ZMIZ1: variants seen among roughly 807,000 people sequenced by gnomAD.
ZMIZ1 encodes the protein zinc finger MIZ domain-containing protein 1.
ZMIZ1 carries 17 observed loss-of-function variants against 113.9 expected under a neutral mutation model. The observed-to-expected ratio is 0.15, with a 90% CI of 0.10 to 0.22. The LOEUF (loss-of-function observed/expected upper bound fraction) is 0.22. ZMIZ1 is among the 10% of genes least tolerant of loss of function. The pLI is 1.00. For synonymous variants in ZMIZ1, 607 were observed against 603.1 expected (o/e 1.01, Z -0.09); for missense variants, 1,059 against 1,477.8 (o/e 0.72, Z 4.65).
chr10:79,076,399 C>T (rs1842476735), intron 1 of ZMIZ1, among the ~76,000 whole-genome samples: 2 of 152,032 alleles, frequency 1.3e-5, no homozygotes, highest in African/African-American at 2.4e-5. Flanking sequence ...AGGGTGAGGA[C>T]GAAGGATGGG....
At chr10:79,240,017 C>A (rs1164358043) in intron 7 of ZMIZ1, among the ~76,000 whole-genome samples, 1 of 152,198 alleles carries the variant, frequency 6.6e-6, no homozygotes, top group Admixed American at 6.5e-5. Context: ...GCCTTCCCGG[C>A]TGCAGCGCCG....
At chr10:79,179,420 C>T (rs1847015264) in intron 4 of ZMIZ1, among the ~76,000 whole-genome samples, 2 of 152,228 alleles carry the variant, frequency 1.3e-5, no homozygotes, top group Admixed American at 1.3e-4. Context: ...TATGAGGTCA[C>T]ACAGCCAGAA....
At chr10:79,181,974 T>TGGA (rs946005528) in intron 4 of ZMIZ1, among the ~76,000 whole-genome samples, 1 of 151,960 alleles carries the variant, frequency 6.6e-6, no homozygotes, top group Non-Finnish European at 1.5e-5. Flanking sequence ...GAGTCTGAAC[T>TGGA]GGAGGAGGAG....
chr10:79,221,325 C>T (rs763782603), intron 7 of ZMIZ1, among the ~76,000 whole-genome samples: 7 of 152,210 alleles, frequency 4.6e-5, no homozygotes, highest in East Asian at 1.9e-4. Flanking sequence ...CGAGCACAGG[C>T]AGTCACTGCA....
chr10:79,251,961 G>T (rs772450763), intron 7 of ZMIZ1, among the ~76,000 whole-genome samples: 1 of 152,156 alleles, frequency 6.6e-6, no homozygotes, highest in Non-Finnish European at 1.5e-5. Flanking sequence ...GAGGCCACTC[G>T]GGCAATGGGT....
chr10:79,127,698 G>A (rs943792424), intron 2 of ZMIZ1, among the ~76,000 whole-genome samples: 8 of 152,050 alleles, frequency 5.3e-5, no homozygotes, highest in African/African-American at 1.9e-4. Context: ...TTTTTAGACC[G>A]AGCCAGTGTT....
At chr10:79,203,533 C>T (rs939194620) in intron 5 of ZMIZ1, among the ~76,000 whole-genome samples, 1 of 152,158 alleles carries the variant, frequency 6.6e-6, no homozygotes, top group South Asian at 2.1e-4. Context: ...GCAGGGGCCC[C>T]GCCCTCCAAT....
chr10:79,253,969 C>A (rs890239758), intron 7 of ZMIZ1, among the ~76,000 whole-genome samples: 1 of 152,216 alleles, frequency 6.6e-6, no homozygotes, highest in Non-Finnish European at 1.5e-5. Context: ...TTTTCCTCTC[C>A]GTTCAGAAAA....
At chr10:79,207,329 G>A (rs1848355682) in intron 5 of ZMIZ1, among the ~76,000 whole-genome samples, 1 of 152,220 alleles carries the variant, frequency 6.6e-6, no homozygotes, top group Non-Finnish European at 1.5e-5. Context: ...CCTTCAGGAG[G>A]ACACAGTCAG....
intron 3 of ZMIZ1, among the ~76,000 whole-genome samples, chr10:79,149,622 T>A (rs1211557620): frequency 1.3e-5 from 2 of 152,166 alleles, no homozygotes; most frequent in African/African-American, 4.8e-5. Flanking sequence ...AAGGGGTCTT[T>A]CTCTAGGCGC....
chr10:79,158,801 GTGACATCTGCCTTGTCTGAGACTCAGCCT>G (rs1487367492), intron 3 of ZMIZ1, among the ~76,000 whole-genome samples: 2 of 152,242 alleles, frequency 1.3e-5, no homozygotes, highest in Non-Finnish European at 2.9e-5. Context: ...CTACCCCCAA[GTGACATCTGCCTTGTCTGAGACTCAGCCT>G]TGTCACTTTC....
At chr10:79,105,457 T>G (rs76889826) in intron 1 of ZMIZ1, among the ~76,000 whole-genome samples, 74 of 152,348 alleles carry the variant, frequency 4.9e-4, no homozygotes, top group African/African-American at 1.4e-3. Flanking sequence ...GAACTGAGCT[T>G]CTTTCTGCTC....
intron 23 of ZMIZ1, 137 bp from the exon 24 acceptor site, chr10:79,310,787 C>T (rs1014101808): frequency 2.2e-5 from 22 of 990,142 alleles, no homozygotes; most frequent in South Asian, 2.0e-4. Flanking sequence ...CCAGAAACAA[C>T]GTTCAGCCTC....
In ZMIZ1 at chr10:79,296,702, A is replaced by C; in HGVS notation, c.1413+49A>C. On this transcript the variant is annotated intron_variant, in intron 13 of 24. Coordinates refer to ENST00000334512, the MANE Select transcript of ZMIZ1 (RefSeq NM_020338.4). The surrounding 1 kb of genome is among the most constrained non-coding windows in gnomAD (Gnocchi z 4.1). ...CCACGGGGCCCCTTCCCTCCTAACC[A>C]CCTCACTCCCCTAACTCCACCGGGA... The C allele has an allele frequency of 6.8e-7, 1 of 1,476,124 alleles. No homozygotes were observed. The highest frequency in any genetic ancestry group is 9.1e-7 in the Non-Finnish European group (1 of 1,103,236). The allele number at this position is 1,476,124 out of a possible 1,614,324, so 91.4% of individuals were successfully genotyped here. A position where few individuals can be genotyped will look rare whatever the true frequency, so the allele number is the denominator to read the frequency against.
At chr10:79,140,642 C>T (rs1845216811) in intron 3 of ZMIZ1, among the ~76,000 whole-genome samples, 1 of 152,170 alleles carries the variant, frequency 6.6e-6, no homozygotes, top group Non-Finnish European at 1.5e-5. Context: ...TTCATCCCTC[C>T]ACCACCTATC....
intron 4 of ZMIZ1, among the ~76,000 whole-genome samples, chr10:79,192,440 C>T (rs767166988): frequency 1.3e-5 from 2 of 152,300 alleles, no homozygotes; most frequent in Non-Finnish European, 1.5e-5. Context: ...TGGGTGTTCC[C>T]GTGAACAAGG....
At chr10:79,187,552 G>T (rs936209299) in intron 4 of ZMIZ1, among the ~76,000 whole-genome samples, 6 of 152,234 alleles carry the variant, frequency 3.9e-5, no homozygotes, top group Admixed American at 6.5e-5. Flanking sequence ...CTCCCGGAAA[G>T]CTCAGCACCC....
chr10:79,139,250 C>G, intron 2 of ZMIZ1, among the ~76,000 whole-genome samples: 1 of 152,070 alleles, frequency 6.6e-6, no homozygotes, highest in East Asian at 1.9e-4. Context: ...GCCGGCCGGC[C>G]GTGTGAGATA....
intron 22 of ZMIZ1, 66 bp downstream of exon 22, chr10:79,306,410 A>AT: frequency 6.3e-7 from 1 of 1,576,310 alleles, no homozygotes; most frequent in South Asian, 1.1e-5. Flanking sequence ...AGAGGCACAG[A>AT]ATTTCTGTGC....
Sources: gnomAD v4.1 joint callset for allele counts (sites outside exome capture counted in the v4.1 genomes callset) on GRCh38, gnomAD v4.1.1 for gene constraint, Gnocchi (gnomAD v3.1) non-coding constraint, MANE v1.5 for transcripts, NCBI Gene and HGNC (gene_info 2026-07-23, HGNC 2026-07-21) for gene names.